GABRB2: variants seen among roughly 807,000 people sequenced by gnomAD.
GABRB2 encodes gamma-aminobutyric acid receptor subunit beta-2.
GABRB2 carries 16 observed loss-of-function variants against 54.7 expected under a neutral mutation model. That is an observed-to-expected ratio of 0.29 (90% CI 0.20 to 0.44). The LOEUF (loss-of-function observed/expected upper bound fraction) is 0.44, where lower values mean the gene tolerates loss of function less well. Among genes scored for constraint, GABRB2 ranks in the 20% least tolerant of loss-of-function variants. The probability of loss-of-function intolerance (pLI) is 1.00; values close to 1 mark genes in which losing one functional copy is unlikely to be tolerated. For missense variants in GABRB2, 355 were observed against 644.0 expected, an observed-to-expected ratio of 0.55 and a Z score of 4.86; for synonymous variants, 244 against 233.8, an observed-to-expected ratio of 1.04 and a Z score of -0.40.
intron 4 of GABRB2, among the ~76,000 whole-genome samples, chr5:161,428,460 C>T (rs1211049734): frequency 1.3e-5 from 2 of 152,098 alleles, no homozygotes; most frequent in South Asian, 2.1e-4. Flanking sequence ...TATATCTCCT[C>T]ATTTCATCCC....
At chr5:161,366,446 A>T (rs1242188642) in intron 5 of GABRB2, among the ~76,000 whole-genome samples, 3 of 152,182 alleles carry the variant, frequency 2.0e-5, no homozygotes, top group East Asian at 3.9e-4. Flanking sequence ...ATTTAGAACC[A>T]ATCATTTGAC....
chr5:161,323,396 T>C (rs901158034), intron 9 of GABRB2, among the ~76,000 whole-genome samples: 13 of 152,264 alleles, frequency 8.5e-5, no homozygotes, highest in African/African-American at 2.9e-4. Context: ...GCCTTCCCCA[T>C]GTGGTGGTTT....
At chr5:161,426,906 T>C (rs1355555059) in intron 4 of GABRB2, among the ~76,000 whole-genome samples, 1 of 152,102 alleles carries the variant, frequency 6.6e-6, no homozygotes, top group East Asian at 1.9e-4. Flanking sequence ...TATGACACCA[T>C]TGTCATATGA....
At chr5:161,497,446 G>T (rs967340791) in intron 3 of GABRB2, among the ~76,000 whole-genome samples, 2 of 151,958 alleles carry the variant, frequency 1.3e-5, no homozygotes, top group South Asian at 4.1e-4. Context: ...TCTGAACTCA[G>T]GAGAGTATAA....
chr5:161,384,808 T>C (rs1424649036), intron 5 of GABRB2, among the ~76,000 whole-genome samples: 1 of 152,188 alleles, frequency 6.6e-6, no homozygotes, highest in African/African-American at 2.4e-5. Flanking sequence ...GCTTTCCTTA[T>C]ATAGGTATAT....
chr5:161,457,256 A>G (rs2113256040), intron 4 of GABRB2, among the ~76,000 whole-genome samples: 1 of 152,276 alleles, frequency 6.6e-6, no homozygotes, highest in East Asian at 1.9e-4. Context: ...ATTTTTTAAT[A>G]GCCCTTGATG....
chr5:161,304,871 T>A (rs1757637771), intron 9 of GABRB2, among the ~76,000 whole-genome samples: 1 of 152,054 alleles, frequency 6.6e-6, no homozygotes, highest in African/African-American at 2.4e-5. Flanking sequence ...TATTATAAAG[T>A]ACAGGCTACT....
chr5:161,344,929 C>A (rs930437404), intron 5 of GABRB2, among the ~76,000 whole-genome samples: 4 of 152,022 alleles, frequency 2.6e-5, no homozygotes, highest in Non-Finnish European at 4.4e-5. Context: ...TCATTCTGAG[C>A]AAACTAACAC....
intron 5 of GABRB2, among the ~76,000 whole-genome samples, chr5:161,396,046 T>C (rs972702631): frequency 2.0e-5 from 3 of 152,156 alleles, no homozygotes; most frequent in Admixed American, 6.6e-5. Flanking sequence ...AAAACTTACT[T>C]TCTTTGAGTG....
chr5:161,427,297 G>A (rs1757029694), intron 4 of GABRB2, among the ~76,000 whole-genome samples: 1 of 152,136 alleles, frequency 6.6e-6, no homozygotes, highest in Non-Finnish European at 1.5e-5. Flanking sequence ...GACCAAACAG[G>A]AAGCTTTGAC....
chr5:161,477,395 T>C (rs1423114188), intron 3 of GABRB2, among the ~76,000 whole-genome samples: 1 of 151,454 alleles, frequency 6.6e-6, no homozygotes, highest in East Asian at 1.9e-4. Flanking sequence ...GAAAACAGTA[T>C]GGCTGTTCCT....
intron 4 of GABRB2, among the ~76,000 whole-genome samples, chr5:161,429,933 C>A (rs1224193005): frequency 6.6e-6 from 1 of 152,018 alleles, no homozygotes; most frequent in Non-Finnish European, 1.5e-5. Flanking sequence ...GGAAAGAAGG[C>A]CCAGTGTTCA....
intron 4 of GABRB2, among the ~76,000 whole-genome samples, chr5:161,451,728 A>AAAC (rs2113238117): frequency 6.6e-6 from 1 of 152,282 alleles, no homozygotes. Context: ...TTGACGTGAC[A>AAAC]AACATGCTTA....
intron 3 of GABRB2, among the ~76,000 whole-genome samples, chr5:161,536,618 T>C (rs1760644376): frequency 6.6e-6 from 1 of 152,074 alleles, no homozygotes; most frequent in African/African-American, 2.4e-5. Flanking sequence ...CCAAACTATA[T>C]ATGACTCTCA....
At chr5:161,411,843 G>T (rs1200230284) in intron 4 of GABRB2, among the ~76,000 whole-genome samples, 1 of 151,542 alleles carries the variant, frequency 6.6e-6, no homozygotes, top group Admixed American at 6.6e-5. Context: ...AGTTATCAAG[G>T]TATGTTTTCT....
intron 3 of GABRB2, among the ~76,000 whole-genome samples, chr5:161,504,163 CAAG>C (rs1471776387): frequency 5.9e-5 from 9 of 152,102 alleles, no homozygotes; most frequent in East Asian, 5.8e-4. Flanking sequence ...CAAAAAAAAT[CAAG>C]AAGGATATTG....
intron 5 of GABRB2, among the ~76,000 whole-genome samples, chr5:161,380,422 C>T (rs1298084862): frequency 6.6e-6 from 1 of 152,092 alleles, no homozygotes; most frequent in Non-Finnish European, 1.5e-5. Flanking sequence ...AATTTTCTTT[C>T]TCTTTCTTAA....
At chr5:161,485,286 G>A (rs1050144223) in intron 3 of GABRB2, among the ~76,000 whole-genome samples, 9 of 151,790 alleles carry the variant, frequency 5.9e-5, no homozygotes, top group African/African-American at 2.2e-4. Context: ...TTTCTAATTT[G>A]CTATTTCCCC....
At chr5:161,338,751 A>C (rs1413256968) in intron 5 of GABRB2, among the ~76,000 whole-genome samples, 1 of 152,104 alleles carries the variant, frequency 6.6e-6, no homozygotes, top group Non-Finnish European at 1.5e-5. Context: ...GCACCACTGC[A>C]CTCCAGCCTG....
Sources: gnomAD v4.1 joint callset for allele counts (sites outside exome capture counted in the v4.1 genomes callset) on GRCh38, gnomAD v4.1.1 for gene constraint, MANE v1.5 for transcripts, NCBI Gene and HGNC (gene_info 2026-07-23, HGNC 2026-07-21) for gene names.